The following CRACR2A variants were observed in gnomAD, a reference collection of about 807,000 sequenced individuals.
CRACR2A encodes the protein calcium release activated channel regulator 2A.
In CRACR2A, 79 loss-of-function variants were observed where a neutral mutation model predicts 90.5. The ratio of observed to expected loss-of-function variants is 0.87; its 90% CI spans 0.73 to 1.05. The LOEUF (loss-of-function observed/expected upper bound fraction) is 1.05, where lower values mean the gene tolerates loss of function less well. Ranked by LOEUF, CRACR2A falls within the 50% of genes least tolerant of loss-of-function variation. CRACR2A has a pLI of 0.00. For missense variants in CRACR2A, 823 were observed against 897.2 expected (o/e 0.92, Z 1.06); for synonymous variants, 338 against 356.7 (o/e 0.95, Z 0.59).
intron 7 of CRACR2A, among the ~76,000 whole-genome samples, chr12:3,670,623 T>A (rs78572684): frequency 0.023 from 3,466 of 152,172 alleles, 123 homozygotes; most frequent in African/African-American, 0.077. Context: ...CACCTTTTTT[T>A]AAAAAATAGA....
chr12:3,751,773 C>T (rs1038002738), intron 1 of CRACR2A, among the ~76,000 whole-genome samples: 4 of 105,608 alleles, frequency 3.8e-5, no homozygotes, highest in South Asian at 3.0e-4. Context: ...GACAGGACCT[C>T]GGAAGCCGTA....
chr12:3,641,293 G>A (rs1449868331), intron 13 of CRACR2A, among the ~76,000 whole-genome samples: 2 of 152,118 alleles, frequency 1.3e-5, no homozygotes, highest in Non-Finnish European at 1.5e-5. Context: ...GCAGTGAGCC[G>A]AGATTGCACC....
At chr12:3,747,167 C>A (rs1946638944) in intron 1 of CRACR2A, among the ~76,000 whole-genome samples, 1 of 152,204 alleles carries the variant, frequency 6.6e-6, no homozygotes. Flanking sequence ...GGGTTCAAAT[C>A]CCAGCTCGGC....
At chr12:3,643,924 T>C (rs1374985315) in intron 12 of CRACR2A, among the ~76,000 whole-genome samples, 1 of 121,306 alleles carries the variant, frequency 8.2e-6, no homozygotes, top group Non-Finnish European at 1.6e-5. Flanking sequence ...ATATTATATA[T>C]ATATATATAA....
At chr12:3,684,265 G>C (rs1565488740) in intron 4 of CRACR2A, among the ~76,000 whole-genome samples, 1 of 152,168 alleles carries the variant, frequency 6.6e-6, no homozygotes, top group African/African-American at 2.4e-5. Flanking sequence ...CTGTGGTACA[G>C]TTCAGCTATA....
chr12:3,674,085 C>T (rs1224658679), intron 6 of CRACR2A, among the ~76,000 whole-genome samples: 1 of 152,226 alleles, frequency 6.6e-6, no homozygotes, highest in Non-Finnish European at 1.5e-5. Context: ...AGGACACACA[C>T]TATGGAGCTA....
chr12:3,674,535 A>G (rs1459618031), intron 6 of CRACR2A, among the ~76,000 whole-genome samples: 1 of 152,226 alleles, frequency 6.6e-6, no homozygotes, highest in Admixed American at 6.5e-5. Flanking sequence ...TTTTAATTCA[A>G]TAAAAGTTAA....
chr12:3,624,804 G>A (rs1410860598), intron 17 of CRACR2A, among the ~76,000 whole-genome samples: 3 of 152,208 alleles, frequency 2.0e-5, no homozygotes, highest in South Asian at 2.1e-4. Flanking sequence ...CCCCAGTCCC[G>A]ACCTGCTGAA....
At chr12:3,651,823 C>G (rs1944799435) in intron 10 of CRACR2A, among the ~76,000 whole-genome samples, 1 of 152,134 alleles carries the variant, frequency 6.6e-6, no homozygotes, top group Admixed American at 6.5e-5. Context: ...GGTCACTACA[C>G]CTCTCTGAGC....
intron 3 of CRACR2A, among the ~76,000 whole-genome samples, chr12:3,708,795 GA>G (rs1474105788): frequency 1.3e-5 from 2 of 152,144 alleles, no homozygotes. Context: ...CCCAATCTAA[GA>G]TAATTCTTTT....
At chr12:3,750,271 C>G (rs1223485748) in intron 1 of CRACR2A, among the ~76,000 whole-genome samples, 1 of 152,178 alleles carries the variant, frequency 6.6e-6, no homozygotes, top group African/African-American at 2.4e-5. Context: ...GGAGGCTCCT[C>G]TGCAAGACAG....
rs368529625 is a variant in CRACR2A, at chr12:3,655,955, T to C, written c.858+356A>G. Among the ~76,000 whole-genome samples, 10 of 152,346 alleles carry C rather than the reference T, an allele frequency of 6.6e-5. No homozygotes were observed. The East Asian group carries it at 1.7e-3, about 26-fold the overall frequency. On this transcript the variant is annotated intron_variant, in intron 9 of 19. Transcript: ENST00000440314. ...TGCAGCCTCCCCCCAGATATAGTGG[T>C]AGACAGTGTCTCTTGTACCTCAGCA... is the stretch of plus-strand genomic sequence containing the variant.
At chr12:3,737,278 G>A (rs1454195433) in intron 1 of CRACR2A, among the ~76,000 whole-genome samples, 4 of 152,160 alleles carry the variant, frequency 2.6e-5, no homozygotes, top group Non-Finnish European at 5.9e-5. Flanking sequence ...GGTAGAACAC[G>A]CTTTTTGTGT....
chr12:3,659,804 C>T (rs1256229334), intron 7 of CRACR2A, 150 bp from the exon 8 acceptor site: 1 of 637,966 alleles, frequency 1.6e-6, no homozygotes, highest in Non-Finnish European at 2.8e-6. Context: ...AAGATCAGTC[C>T]CTCATGATCA....
At chr12:3,690,350 T>C (rs1945631557) in intron 4 of CRACR2A, among the ~76,000 whole-genome samples, 2 of 152,246 alleles carry the variant, frequency 1.3e-5, no homozygotes, top group Admixed American at 6.5e-5. Flanking sequence ...GATATTCTGG[T>C]ATGTTGTATC....
At chr12:3,696,674 T>G in intron 4 of CRACR2A, 98 bp downstream of exon 4, 1 of 1,529,674 alleles carries the variant, frequency 6.5e-7, no homozygotes, top group Non-Finnish European at 8.9e-7. Context: ...TGGCATCTTT[T>G]CTGTTAAGGA....
At chr12:3,659,510 A>C in intron 8 of CRACR2A, 54 bp downstream of exon 8, 1 of 1,518,754 alleles carries the variant, frequency 6.6e-7, no homozygotes, top group Non-Finnish European at 9.1e-7. Flanking sequence ...TGGGGGAGAC[A>C]GAGCAGATAT....
chr12:3,685,675 G>A (rs1006246734), intron 4 of CRACR2A, among the ~76,000 whole-genome samples: 4 of 152,220 alleles, frequency 2.6e-5, no homozygotes, highest in African/African-American at 9.6e-5. Context: ...GATACCTTGA[G>A]TAGTCCAATT....
rs78609671 is a variant in CRACR2A, at chr12:3,705,642, C to T, written c.-37+7595G>A. ...TACCTGGAAGCCCCAGTGATTAACT[C>T]GGAGCTGGCGATGCCTGATAAAGGC... On this transcript the variant is annotated intron_variant, in intron 3 of 19. Coordinates refer to ENST00000440314, the MANE Select transcript of CRACR2A (RefSeq NM_001144958.2). Among the ~76,000 whole-genome samples, 356 of 152,300 alleles carry T rather than the reference C, an allele frequency of 2.3e-3. 4 individuals are homozygous for T. The highest frequency in any genetic ancestry group is 8.0e-3 in the African/African-American group (331 of 41,548).
Sources: gnomAD v4.1 joint callset for allele counts (sites outside exome capture counted in the v4.1 genomes callset) on GRCh38, gnomAD v4.1.1 for gene constraint, MANE v1.5 for transcripts, NCBI Gene and HGNC (gene_info 2026-07-23, HGNC 2026-07-21) for gene names.